The following RELL1 variants were observed in gnomAD, a reference collection of about 807,000 sequenced individuals.
RELL1 encodes RELT like 1, also known as RELT-like protein 1.
Under a neutral mutation model 23.0 loss-of-function variants are expected in RELL1, and 10 were observed. The observed-to-expected ratio is 0.43, with a 90% confidence interval of 0.27 to 0.74. The LOEUF (loss-of-function observed/expected upper bound fraction) is 0.74. Ranked by LOEUF, RELL1 falls within the 30% of genes least tolerant of loss-of-function variation. The pLI is 0.19. For missense variants in RELL1, 315 were observed against 364.4 expected (o/e 0.86, Z 1.10); for synonymous variants, 146 against 146.8 (o/e 0.99, Z 0.04).
At chr4:37,658,605 C>T (rs180808986) in intron 1 of RELL1, among the ~76,000 whole-genome samples, 5 of 152,304 alleles carry the variant, frequency 3.3e-5, no homozygotes, top group Admixed American at 1.3e-4. Flanking sequence ...TCAAACCAGG[C>T]AGTGTGGATC....
downstream of RELL1, among the ~76,000 whole-genome samples, chr4:37,610,046 C>A (rs1719327535): frequency 6.6e-6 from 1 of 152,094 alleles, no homozygotes; most frequent in South Asian, 2.1e-4. The surrounding 1 kb of genome is among the most constrained non-coding windows in gnomAD (Gnocchi z 4.1). Flanking sequence ...GTACTGCATG[C>A]TATAGAGAAA....
At chr4:37,614,927 C>T (rs1719527032) in intron 6 of RELL1, among the ~76,000 whole-genome samples, 1 of 152,064 alleles carries the variant, frequency 6.6e-6, no homozygotes, top group African/African-American at 2.4e-5. Flanking sequence ...GAGTGTTTTG[C>T]ACAGATTTGA....
At chr4:37,663,117 G>A (rs538485968) in intron 1 of RELL1, among the ~76,000 whole-genome samples, 1 of 152,210 alleles carries the variant, frequency 6.6e-6, no homozygotes, top group East Asian at 1.9e-4. Flanking sequence ...CAATACCCGT[G>A]GGGCTCAAGG....
At chr4:37,607,221 C>T (rs1719250599), downstream of RELL1, among the ~76,000 whole-genome samples, 1 of 152,202 alleles carries the variant, frequency 6.6e-6, no homozygotes, top group African/African-American at 2.4e-5. Context: ...AGCAGGGGGA[C>T]ATTAGTGAGA....
At chr4:37,630,436 C>G (rs1720090351) in intron 6 of RELL1, among the ~76,000 whole-genome samples, 1 of 136,620 alleles carries the variant, frequency 7.3e-6, no homozygotes, top group African/African-American at 2.8e-5. Flanking sequence ...GTGATCTCGG[C>G]TCACTGCAAG....
At chr4:37,638,351 G>A in intron 4 of RELL1, 96 bp downstream of exon 4, 1 of 961,166 alleles carries the variant, frequency 1.0e-6, no homozygotes, top group Non-Finnish European at 1.6e-6. Context: ...TTAAAGCTGG[G>A]AAACCTGCTC....
At chr4:37,587,383 A>G (rs973855876), downstream of RELL1, among the ~76,000 whole-genome samples, 3 of 151,946 alleles carry the variant, frequency 2.0e-5, no homozygotes, top group East Asian at 5.8e-4. Flanking sequence ...TTTGGGGGCC[A>G]TTTTTCAGCC....
rs36064800 is a variant in RELL1 at position 37,612,176 on chromosome 4, CAAAAAAAAAAA to C, written c.*1159_*1169del. On this transcript the variant is annotated 3_prime_UTR_variant, in exon 7 of 7. Coordinates refer to ENST00000454158, the MANE Select transcript of RELL1 (RefSeq NM_001085400.2). ...TGGGCGACAGAGCGAGACTCCGCCTCAAAAAAAAAAAAAAAAAAAAAAAAAGAGAGAAGCAG... is the reference window on the plus strand; with the variant it reads ...TGGGCGACAGAGCGAGACTCCGCCTCAAAAAAAAAAAAAAGAGAGAAGCAG... Among the ~76,000 whole-genome samples, 5 of 53,784 alleles carry C rather than the reference CAAAAAAAAAAA, an allele frequency of 9.3e-5. No individual in the cohort carries two copies. Among genetic ancestry groups the C allele is most frequent in the Admixed American group, 4.8e-4 (2 of 4,124 alleles). The allele number at this position is 53,784 out of a possible 152,430, so 35.3% of individuals were successfully genotyped here. A position where few individuals can be genotyped will look rare whatever the true frequency, so the allele number is the denominator to read the frequency against.
At chr4:37,631,104 C>T (rs1720113772) in intron 6 of RELL1, among the ~76,000 whole-genome samples, 1 of 152,092 alleles carries the variant, frequency 6.6e-6, no homozygotes, top group South Asian at 2.1e-4. Flanking sequence ...TCTAGTTTGC[C>T]ACAATCCCCA....
intron 1 of RELL1, among the ~76,000 whole-genome samples, chr4:37,649,762 G>A (rs1720836383): frequency 6.6e-6 from 1 of 152,162 alleles, no homozygotes; most frequent in Non-Finnish European, 1.5e-5. Context: ...TCTTCATTGT[G>A]GAATGAGTAT....
downstream of RELL1, among the ~76,000 whole-genome samples, chr4:37,608,005 G>A (rs2939735): frequency 0.19 from 28,502 of 152,024 alleles, 3,314 homozygotes; most frequent in Non-Finnish European, 0.26. Flanking sequence ...ATAGTGATCC[G>A]TGATCAGCGA....
chr4:37,643,941 T>C (rs1177436893), intron 3 of RELL1, among the ~76,000 whole-genome samples: 3 of 152,204 alleles, frequency 2.0e-5, no homozygotes, highest in South Asian at 2.1e-4. Flanking sequence ...GCGCAAAGGA[T>C]TGGAGTCACC....
intron 1 of RELL1, among the ~76,000 whole-genome samples, chr4:37,680,113 C>T (rs1032976216): frequency 2.0e-5 from 3 of 152,070 alleles, no homozygotes; most frequent in Non-Finnish European, 4.4e-5. Flanking sequence ...TAGAAGAAAA[C>T]AAAATCAACC....
At chr4:37,660,723 A>G (rs1403800644) in intron 1 of RELL1, among the ~76,000 whole-genome samples, 1 of 152,202 alleles carries the variant, frequency 6.6e-6, no homozygotes, top group East Asian at 1.9e-4. Flanking sequence ...CACTTGCTCA[A>G]GGTCACATGG....
At chr4:37,631,284 C>G in intron 6 of RELL1, 101 bp downstream of exon 6, 1 of 1,331,560 alleles carries the variant, frequency 7.5e-7, no homozygotes, top group Non-Finnish European at 1.0e-6. Flanking sequence ...ACTTCCCTGT[C>G]AAATACCATT....
chr4:37,604,511 G>A (rs913763780), intron 6 of RELL1, among the ~76,000 whole-genome samples: 3 of 151,660 alleles, frequency 2.0e-5, no homozygotes, highest in African/African-American at 4.9e-5. Context: ...ACATACACAC[G>A]CGCACACACA....
intron 1 of RELL1, among the ~76,000 whole-genome samples, chr4:37,653,371 T>TATTGAAACC (rs1560348756): frequency 0.21 from 10,277 of 49,360 alleles, 742 homozygotes; most frequent in Middle Eastern, 0.31. Context: ...AACCTCAATA[T>TATTGAAACC]TCAATACAAG....
downstream of RELL1, chr4:37,590,130 C>T: frequency 1.2e-6 from 2 of 1,614,114 alleles, no homozygotes; most frequent in Middle Eastern, 1.6e-4. Flanking sequence ...CTGGCTATGT[C>T]AATGAAGTCA....
At chr4:37,648,825 G>A (rs955515691) in intron 2 of RELL1, among the ~76,000 whole-genome samples, 2 of 152,094 alleles carry the variant, frequency 1.3e-5, no homozygotes, top group East Asian at 1.9e-4. Context: ...ACTCTTATTC[G>A]AATCTGATTC....
Sources: gnomAD v4.1 joint callset for allele counts (sites outside exome capture counted in the v4.1 genomes callset) on GRCh38, gnomAD v4.1.1 for gene constraint, Gnocchi (gnomAD v3.1) non-coding constraint, MANE v1.5 for transcripts, NCBI Gene and HGNC (gene_info 2026-07-23, HGNC 2026-07-21) for gene names.